Variants in RANBP2 observed in about 807,000 individuals in gnomAD.
The protein encoded by RANBP2 is E3 SUMO-protein ligase RanBP2.
A neutral mutation model predicts 303.6 loss-of-function variants in RANBP2; 57 were observed. That is an observed-to-expected ratio of 0.19 (90% CI 0.15 to 0.23). The LOEUF is 0.23. Among genes scored for constraint, RANBP2 ranks in the 10% least tolerant of loss-of-function variants. RANBP2 has a pLI of 1.00. For synonymous variants in RANBP2, 1,167 were observed against 1,301.5 expected (o/e 0.90, Z 2.23); for missense variants, 3,138 against 3,780.8 (o/e 0.83, Z 4.46).
At chr2:109,650,814 A>AAGAT in the RANBP2 span, among the ~76,000 whole-genome samples, 1 of 152,176 alleles carries the variant, frequency 6.6e-6, no homozygotes, top group Non-Finnish European at 1.5e-5. Context: ...CCTCCCAGCC[A>AAGAT]TGTGGACCTG....
the RANBP2 span, among the ~76,000 whole-genome samples, chr2:108,872,662 G>A: frequency 6.6e-6 from 1 of 152,080 alleles, no homozygotes; most frequent in Non-Finnish European, 1.5e-5. Context: ...AGGACAAGAG[G>A]GCAAGAGAGA....
the RANBP2 span, among the ~76,000 whole-genome samples, chr2:108,902,801 A>C: frequency 6.6e-6 from 1 of 152,216 alleles, no homozygotes; most frequent in African/African-American, 2.4e-5. Context: ...TATTATACTT[A>C]ATGGTGAAAA....
the RANBP2 span, among the ~76,000 whole-genome samples, chr2:108,993,387 C>T: frequency 6.6e-6 from 1 of 152,114 alleles, no homozygotes; most frequent in East Asian, 1.9e-4. Flanking sequence ...AGACCACATT[C>T]CACGTGGGGG....
intron 3 of RANBP2, 79 bp from the exon 4 acceptor site, chr2:108,731,243 C>T (rs567786768): frequency 1.3e-6 from 2 of 1,539,128 alleles, no homozygotes; most frequent in African/African-American, 2.8e-5. Flanking sequence ...ATTTTTTAAC[C>T]TTTATATATA....
At chr2:108,853,884 T>TATATTATATA in the RANBP2 span, among the ~76,000 whole-genome samples, 2 of 123,470 alleles carry the variant, frequency 1.6e-5, no homozygotes, top group African/African-American at 6.4e-5. Flanking sequence ...ATATAATATA[T>TATATTATATA]TATATAGTAT....
chr2:109,652,454 TG>T, the RANBP2 span, among the ~76,000 whole-genome samples: 198 of 152,336 alleles, frequency 1.3e-3, no homozygotes, highest in African/African-American at 4.4e-3. Context: ...CTTGATCTCC[TG>T]ACTTCGTGAT....
chr2:109,668,686 T>A, the RANBP2 span, among the ~76,000 whole-genome samples: 4 of 152,234 alleles, frequency 2.6e-5, no homozygotes, highest in East Asian at 5.8e-4. Context: ...AAGGAAATGA[T>A]CCAATTTAAA....
At chr2:109,443,956 A>G in the RANBP2 span, among the ~76,000 whole-genome samples, 1 of 152,206 alleles carries the variant, frequency 6.6e-6, no homozygotes, top group African/African-American at 2.4e-5. Flanking sequence ...TCAAGTGCAC[A>G]CAGAACATTT....
At chr2:109,630,430 G>C in the RANBP2 span, among the ~76,000 whole-genome samples, 1 of 152,044 alleles carries the variant, frequency 6.6e-6, no homozygotes, top group Admixed American at 6.6e-5. Flanking sequence ...CTAGAGTCTA[G>C]AGCCCACCAG....
chr2:109,497,838 C>T, the RANBP2 span, among the ~76,000 whole-genome samples: 1 of 152,250 alleles, frequency 6.6e-6, no homozygotes, highest in Non-Finnish European at 1.5e-5. Context: ...TATTTCACAT[C>T]TGGAAGTTGA....
At chr2:109,137,494 G>A in the RANBP2 span, among the ~76,000 whole-genome samples, 2 of 152,246 alleles carry the variant, frequency 1.3e-5, no homozygotes, top group Admixed American at 6.5e-5. Context: ...TGGCTAGGAC[G>A]ATGGAGGTCA....
At chr2:109,665,966 C>T in the RANBP2 span, among the ~76,000 whole-genome samples, 1 of 151,786 alleles carries the variant, frequency 6.6e-6, no homozygotes, top group Non-Finnish European at 1.5e-5. Context: ...ACAAAATTAG[C>T]TGGGTGTGGT....
chr2:109,410,481 G>C, the RANBP2 span, among the ~76,000 whole-genome samples: 2 of 152,342 alleles, frequency 1.3e-5, no homozygotes, highest in African/African-American at 4.8e-5. Flanking sequence ...CTGTTTGCTT[G>C]TGCTAAGTTC....
the RANBP2 span, chr2:108,910,614 GTTGGGC>G: frequency 7.1e-7 from 1 of 1,417,962 alleles, no homozygotes; most frequent in Non-Finnish European, 9.9e-7. Context: ...TGCTCTTCCT[GTTGGGC>G]AGAGCTGCCC....
At chr2:109,568,427 A>G in the RANBP2 span, among the ~76,000 whole-genome samples, 1 of 144,424 alleles carries the variant, frequency 6.9e-6, no homozygotes, top group Admixed American at 7.2e-5. Context: ...GCTGGAGTGC[A>G]ATGGTGCAAT....
At chr2:108,728,009 C>T (rs971294240) in intron 1 of RANBP2, among the ~76,000 whole-genome samples, 3 of 152,156 alleles carry the variant, frequency 2.0e-5, no homozygotes, top group Admixed American at 6.5e-5. Context: ...GCCTTTTTGA[C>T]TCCTTGACTG....
Position 108,769,149 on chromosome 2 carries a change from A to G in RANBP2, c.7849+761A>G, listed in dbSNP as rs145991542. 6,844 of 932,038 alleles carry G rather than the reference A, an allele frequency of 7.3e-3. 30 individuals carry two copies. Among genetic ancestry groups the G allele is most frequent in the Non-Finnish European group, 7.8e-3 (6,095 of 781,456 alleles). 57.7% of individuals were successfully genotyped at this position (932,038 alleles called of 1,614,324 possible). Reference sequence around the variant, plus strand: ...AACTACAGGGATAAATGAATATGTAAGACAATCAGATTGGTGGTATAAATT... The same window carrying G: ...AACTACAGGGATAAATGAATATGTAGGACAATCAGATTGGTGGTATAAATT... On this transcript the variant is annotated intron_variant, in intron 20 of 28. Transcript: ENST00000283195.
the RANBP2 span, among the ~76,000 whole-genome samples, chr2:109,025,456 CTT>C: frequency 6.6e-6 from 1 of 152,098 alleles, no homozygotes; most frequent in Admixed American, 6.5e-5. Context: ...TGATTTATAA[CTT>C]GACGTACATA....
At chr2:109,622,882 A>G in the RANBP2 span, among the ~76,000 whole-genome samples, 5 of 152,132 alleles carry the variant, frequency 3.3e-5, no homozygotes, top group African/African-American at 9.7e-5. Flanking sequence ...AATCCCAGCA[A>G]TTTGGGAGGC....
Sources: gnomAD v4.1 joint callset for allele counts (sites outside exome capture counted in the v4.1 genomes callset) on GRCh38, gnomAD v4.1.1 for gene constraint, MANE v1.5 for transcripts, NCBI Gene and HGNC (gene_info 2026-07-23, HGNC 2026-07-21) for gene names.